CCZ1: variants seen among roughly 807,000 people sequenced by gnomAD.
CCZ1 encodes the protein CCZ1 vacuolar protein trafficking and biogenesis associated, also known as vacuolar fusion protein CCZ1 homolog.
A neutral mutation model predicts 57.8 loss-of-function variants in CCZ1; 19 were observed. The ratio of observed to expected loss-of-function variants is 0.33; its 90% CI spans 0.23 to 0.48. CCZ1 has a LOEUF of 0.48. Ranked by LOEUF, CCZ1 falls within the 20% of genes least tolerant of loss-of-function variation. The probability of loss-of-function intolerance (pLI) is 0.99; values close to 1 mark genes in which losing one functional copy is unlikely to be tolerated. For synonymous variants in CCZ1, 81 were observed against 167.0 expected (o/e 0.49, Z 3.97); for missense variants, 200 against 492.0 (o/e 0.41, Z 5.61).
chr7:5,902,448 A>G (rs1781706036), intron 5 of CCZ1: 4 of 849,906 alleles, frequency 4.7e-6, no homozygotes, highest in Non-Finnish European at 6.4e-6. Flanking sequence ...TAGAGCAATT[A>G]GGTGGTTTCA....
chr7:5,925,579 T>G (rs1384322780), intron 14 of CCZ1, 53 bp from the exon 15 acceptor site: 1 of 1,609,710 alleles, frequency 6.2e-7, no homozygotes, highest in Non-Finnish European at 8.5e-7. Context: ...ATATATCATG[T>G]AACCTTTTAA....
rs371339286 is a variant in CCZ1, at chr7:5,925,621, C to T, written c.1394-11C>T. On this transcript the variant is annotated splice_polypyrimidine_tract_variant and intron_variant, in intron 14 of 14. Transcript: ENST00000325974. ...GCCTCTTCCTTCCTCACTGTTGTGT[C>T]CTTGTTGCAGAAGAGGTCAAGAAAC... 7.0e-3 allele frequency: 11,211 copies of T among 1,604,172 alleles called. 124 individuals are homozygous for T. In the African/African-American group the frequency reaches 0.13, roughly 19 times the overall value.
intron 10 of CCZ1, 109 bp downstream of exon 10, chr7:5,913,063 T>C (rs1172620099): frequency 1.1e-5 from 9 of 806,128 alleles, no homozygotes; most frequent in Admixed American, 5.9e-5. Context: ...GGAAAAGATA[T>C]TGGAAGTTCT....
chr7:5,907,566 AG>A (rs1781862809), intron 7 of CCZ1, among the ~76,000 whole-genome samples: 1 of 146,608 alleles, frequency 6.8e-6, no homozygotes, highest in South Asian at 2.3e-4. Context: ...AGGGTCTTCC[AG>A]GAGCTCATTC....
chr7:5,905,219 C>T lies in CCZ1; in HGVS notation c.648C>T (p.Ser216=). Residue 216 remains serine (S), a synonymous_variant, in exon 7 of 15, where the codon AGC becomes AGT. Transcript: ENST00000325974. ...IQSFINRMEE[S]LNIVKYTAFL... is the part of the protein sequence containing the mutation. The stretch of plus-strand genomic sequence containing the variant: ...CCTTTATTAATAGAATGGAGGAAAG[C>T]CTGAATATAGTCAAATACACTGCTT... The T allele has an allele frequency of 3.8e-6, 6 of 1,560,102 alleles. No homozygotes were observed. The highest frequency in any genetic ancestry group is 5.2e-6 in the Non-Finnish European group (6 of 1,151,358).
At chr7:5,905,819 C>T (rs1345585039) in intron 7 of CCZ1, among the ~76,000 whole-genome samples, 1 of 127,620 alleles carries the variant, frequency 7.8e-6, no homozygotes, top group African/African-American at 2.9e-5. Context: ...AGAAAATGTT[C>T]CTATCAAGTA....
intron 5 of CCZ1, 78 bp downstream of exon 5, chr7:5,901,782 A>T (rs1781691899): frequency 1.3e-6 from 2 of 1,552,904 alleles, no homozygotes; most frequent in Non-Finnish European, 1.7e-6. Context: ...TTTAAAGAGA[A>T]ATCTGTAAAT....
intron 5 of CCZ1, 46 bp downstream of exon 5, chr7:5,901,750 C>A (rs765360333): frequency 6.3e-7 from 1 of 1,593,228 alleles, no homozygotes; most frequent in Non-Finnish European, 8.5e-7. Context: ...CCACTTACCC[C>A]TATCTCTAGG....
intron 7 of CCZ1, among the ~76,000 whole-genome samples, chr7:5,907,190 A>G (rs1386347241): frequency 6.7e-6 from 1 of 149,718 alleles, no homozygotes; most frequent in Non-Finnish European, 1.5e-5. Context: ...CAAATAGTTT[A>G]TCAGGCAACC....
At chr7:5,901,522 A>C in intron 4 of CCZ1, 135 bp from the exon 5 acceptor site, 5 of 1,339,160 alleles carry the variant, frequency 3.7e-6, no homozygotes, top group Non-Finnish European at 4.8e-6. Flanking sequence ...CTTTTTTTTC[A>C]GCACGCAACT....
At chr7:5,904,364 G>A (rs1361792153) in intron 6 of CCZ1, among the ~76,000 whole-genome samples, 3 of 144,868 alleles carry the variant, frequency 2.1e-5, no homozygotes. Flanking sequence ...GGGATTACAG[G>A]CGCGAGCCGC....
chr7:5,910,681 C>T lies in CCZ1; in HGVS notation c.780+565C>T, dbSNP rs367855317. Among the ~76,000 whole-genome samples the T allele has an allele frequency of 9.7e-4, 114 of 117,532 alleles. 3 individuals are homozygous for T. Among genetic ancestry groups the T allele is most frequent in the Middle Eastern group, 4.2e-3 (1 of 238 alleles). The allele number at this position is 117,532 out of a possible 152,430, so 77.1% of individuals were successfully genotyped here. A position where few individuals can be genotyped will look rare whatever the true frequency, so the allele number is the denominator to read the frequency against. ...TTGAGTAGAGGAAAATTGGATTTTA[C>T]TTTACTTTTAATTTATGTATTTTAT... On this transcript the variant is annotated intron_variant, in intron 8 of 14. Transcript: ENST00000325974.
intron 6 of CCZ1, 139 bp from the exon 7 acceptor site, chr7:5,904,955 C>T (rs1583182640): frequency 2.5e-6 from 3 of 1,198,118 alleles, no homozygotes; most frequent in Middle Eastern, 2.3e-4. Context: ...GTCTTCACCA[C>T]GGCCTCATTG....
intron 7 of CCZ1, among the ~76,000 whole-genome samples, chr7:5,908,466 C>T (rs1351688599): frequency 6.7e-6 from 1 of 148,318 alleles, no homozygotes; most frequent in Non-Finnish European, 1.5e-5. Context: ...TCAACCTGCG[C>T]CTCCCAGGTT....
In CCZ1 at chr7:5,912,874, C is replaced by T. The variant is rs147971711; in HGVS notation, c.874C>T (p.Pro292Ser). The T allele has an allele frequency of 5.3e-4, 834 of 1,588,470 alleles. 1 individual carries two copies. Among genetic ancestry groups the T allele is most frequent in the Non-Finnish European group, 6.6e-4 (761 of 1,160,070 alleles). Residue 292 changes from proline (P) to serine (S), a missense_variant, in exon 10 of 15, where the codon CCA becomes TCA. Around this residue, in one of 5 missense-constraint regions of CCZ1, gnomAD observed 2 missense variants for 22.7 expected, o/e 0.09. Transcript: ENST00000325974. ...TACCGGACCCTTGAACCTCAATGAT[C>T]CAGATGCAAAATGCAGATTCCCCAA... ...FLTGPLNLND[P>S]DAKCRFPKIF...
chr7:5,912,377 C>CTT lies in CCZ1; in HGVS notation c.843-434_843-433dup, dbSNP rs4036238. The stretch of plus-strand genomic sequence containing the variant: ...GAGTTAAAACTTACTTCAGCATACC[C>CTT]TTTTTTTTTTTTTTTTTTTTTTTTT... On this transcript the variant is annotated intron_variant, in intron 9 of 14. Transcript: ENST00000325974. 7.0e-3 allele frequency among the ~76,000 whole-genome samples: 381 copies of CTT among 54,696 alleles called. 98 individuals are homozygous for CTT. The highest frequency in any genetic ancestry group is 9.6e-3 in the Non-Finnish European group (297 of 31,052). 35.9% of individuals were successfully genotyped at this position (54,696 alleles called of 152,430 possible).
At chr7:5,916,684 C>T (rs1305699221) in intron 10 of CCZ1, among the ~76,000 whole-genome samples, 2 of 148,086 alleles carry the variant, frequency 1.4e-5, no homozygotes, top group East Asian at 1.9e-4. Context: ...CCTCGAGATC[C>T]AGAGATTTGA....
rs558394936 is a variant in CCZ1, at chr7:5,911,183, A to G, written c.781-678A>G. 3.3e-5 allele frequency among the ~76,000 whole-genome samples: 5 copies of G among 149,322 alleles called. No homozygotes were observed. The South Asian group carries it at 8.8e-4, about 26-fold the overall frequency. ...TGCCTACCCGGCTTTCCACTCTAGT[A>G]CTTAATTTCCCGGTTTCCTGCAGAG... On this transcript the variant is annotated intron_variant, in intron 8 of 14. Coordinates refer to ENST00000325974, the MANE Select transcript of CCZ1 (RefSeq NM_015622.6).
At chr7:5,909,106 CTTTTT>C (rs10645268) in intron 7 of CCZ1, among the ~76,000 whole-genome samples, 1 of 140,508 alleles carries the variant, frequency 7.1e-6, no homozygotes, top group Non-Finnish European at 1.5e-5. Context: ...TCCCTTGTGA[CTTTTT>C]TTTTTTTTTT....
Sources: gnomAD v4.1 joint callset for allele counts (sites outside exome capture counted in the v4.1 genomes callset) on GRCh38, gnomAD v4.1.1 for gene constraint, gnomAD v4.1.1 regional missense constraint, MANE v1.5 for transcripts, NCBI Gene and HGNC (gene_info 2026-07-23, HGNC 2026-07-21) for gene names.